Variants in ZNF41 observed in about 807,000 individuals in gnomAD.
ZNF41 encodes the protein zinc finger protein 41.
Under a neutral mutation model 9.3 loss-of-function variants are expected in ZNF41, and 6 were observed. That is an observed-to-expected ratio of 0.65 (90% CI 0.35 to 1.28). ZNF41 has a LOEUF of 1.28. ZNF41 is among the 50% of genes most tolerant of loss of function. The pLI is 0.03. For missense variants in ZNF41, 523 were observed against 585.8 expected, an observed-to-expected ratio of 0.89 and a Z score of 1.11; for synonymous variants, 192 against 207.1, an observed-to-expected ratio of 0.93 and a Z score of 0.63.
At chrX:47,452,594 A>G (rs1053577628) in intron 4 of ZNF41, among the ~76,000 whole-genome samples, 2 of 111,379 alleles carry the variant, frequency 1.8e-5, no homozygotes, top group Non-Finnish European at 3.8e-5. Context: ...TGTGCTTTCT[A>G]TCTGCTATTC....
intron 4 of ZNF41, among the ~76,000 whole-genome samples, chrX:47,454,635 C>T (rs1293444918): frequency 1.8e-5 from 2 of 111,275 alleles, no homozygotes; most frequent in Non-Finnish European, 3.8e-5. Context: ...GACTTGGACA[C>T]AATGATCAGC....
Position 47,450,190 on chromosome X carries a change from C to T in ZNF41, c.296-716G>A, listed in dbSNP as rs2056306595. Among the ~76,000 whole-genome samples, 3 of 111,332 alleles carry T rather than the reference C, an allele frequency of 2.7e-5. No homozygotes were observed. The Admixed American group carries it at 2.9e-4, about 11-fold the overall frequency. On this transcript the variant is annotated intron_variant, in intron 4 of 4. Coordinates refer to ENST00000684689, the MANE Select transcript of ZNF41 (RefSeq NM_001324144.2). ...AGACATTTGCACTCCAACTTTATAA[C>T]CAGCTGCAAGTTTCTTTCTTTCTTT...
At chrX:47,478,558 T>C (rs2057396091) in intron 1 of ZNF41, among the ~76,000 whole-genome samples, 1 of 110,892 alleles carries the variant, frequency 9.0e-6, no homozygotes. Flanking sequence ...TCATGTTAAG[T>C]GTTCGTACCA....
At chrX:47,465,804 CA>C (rs772698020) in intron 2 of ZNF41, among the ~76,000 whole-genome samples, 1 of 110,123 alleles carries the variant, frequency 9.1e-6, no homozygotes, top group African/African-American at 3.3e-5. Context: ...GAGACTGCCT[CA>C]GAGAAAAAAC....
At chrX:47,467,378 A>C in intron 2 of ZNF41, 32 bp downstream of exon 2, 1 of 1,172,188 alleles carries the variant, frequency 8.5e-7, no homozygotes, top group Non-Finnish European at 1.1e-6. Flanking sequence ...CACTGAATGA[A>C]TTCTTGCCTC....
chrX:47,454,975 G>A (rs1447851270), intron 4 of ZNF41, among the ~76,000 whole-genome samples: 1 of 111,427 alleles, frequency 9.0e-6, no homozygotes, highest in East Asian at 2.8e-4. Context: ...GCCAGGCGCG[G>A]TGGCTCATGC....
chrX:47,480,742 T>A (rs887592129), intron 1 of ZNF41, among the ~76,000 whole-genome samples: 4 of 106,765 alleles, frequency 3.7e-5, no homozygotes, highest in African/African-American at 1.0e-4. Context: ...CAATGGCCAA[T>A]AAGAATGAAA....
chrX:47,473,153 C>T (rs886498541), intron 1 of ZNF41, among the ~76,000 whole-genome samples: 2 of 110,811 alleles, frequency 1.8e-5, no homozygotes, highest in East Asian at 2.8e-4. Context: ...CCTCCTAAGT[C>T]GCTGGGACTA....
rs778001975 is a variant in ZNF41 at position 47,480,837 on chromosome X, T to TA, written c.-280+2257dup. Among the ~76,000 whole-genome samples the TA allele has an allele frequency of 8.6e-5, 9 of 104,834 alleles. No individual in the cohort carries two copies. In the South Asian group the frequency reaches 1.7e-3, roughly 20 times the overall value. The allele number at this position is 104,834 out of a possible 115,157, so 91.0% of individuals were successfully genotyped here. On this transcript the variant is annotated intron_variant, in intron 1 of 4. Transcript: ENST00000684689. ...GTTTGGCCCTCAGAATGGGGTAAAT[T>TA]AAAAAAAAATCCAATGTGGAACAGG...
Position 47,447,572 on chromosome X carries a change from G to A in ZNF41, c.2198C>T (p.Thr733Ile). ...ATGAATTATCTGATGCATACTTAGTGTGGCTTTCTGGATGAAAGCTTTCCC... is the reference window on the plus strand; with the variant it reads ...ATGAATTATCTGATGCATACTTAGTATGGCTTTCTGGATGAAAGCTTTCCC... Reference protein sequence around the residue: ...KCGKAFIQKATLSMHQIIHTG... With the variant: ...KCGKAFIQKAILSMHQIIHTG... Residue 733 changes from threonine (T) to isoleucine (I), a missense_variant, in exon 5 of 5, where the codon ACA becomes ATA. By Grantham distance (89) the Thr-to-Ile change is moderately conservative (BLOSUM62 -1). Coordinates refer to ENST00000684689, the MANE Select transcript of ZNF41 (RefSeq NM_001324144.2). 3.3e-6 allele frequency: 4 copies of A among 1,211,657 alleles called. No homozygotes were observed. Among genetic ancestry groups the A allele is most frequent in the Non-Finnish European group, 4.5e-6 (4 of 895,470 alleles).
chrX:47,456,068 G>T (rs376328166), intron 3 of ZNF41, 52 bp from the exon 4 acceptor site: 2 of 1,109,373 alleles, frequency 1.8e-6, no homozygotes, highest in Non-Finnish European at 2.5e-6. Flanking sequence ...GGTTTCAGGG[G>T]CCTTTCAGTG....
Position 47,448,290 on chromosome X carries a change from G to T in ZNF41, c.1480C>A (p.Pro494Thr). ...TTTCCACATTCTGTACATATATAGG[G>T]TTTCTCTCCGGTGTGAATTCTTTGA... ...VHQRIHTGEK[P>T]YICTECGKVF... is the part of the protein sequence containing the mutation. The change falls in exon 5 of 5, where the codon CCC becomes ACC. Residue 494 changes from proline to threonine, a missense_variant. Transcript: ENST00000684689. The T allele has an allele frequency of 8.3e-7, 1 of 1,211,074 alleles. No individual in the cohort carries two copies. Among genetic ancestry groups the T allele is most frequent in the East Asian group, 3.0e-5 (1 of 33,821 alleles).
In ZNF41 at chrX:47,469,890, G is replaced by T. The variant is rs761228159; in HGVS notation, c.-279-2130C>A. On this transcript the variant is annotated intron_variant, in intron 1 of 4. Coordinates refer to ENST00000684689, the MANE Select transcript of ZNF41 (RefSeq NM_001324144.2). ...CTGTCTCAAAAAAACACAAACAAAC[G>T]AACAAACAAATTCCCTGGAAAATTT... Among the ~76,000 whole-genome samples, 6 of 110,058 alleles carry T rather than the reference G, an allele frequency of 5.5e-5. No homozygotes were observed. In the South Asian group the frequency reaches 2.3e-3, roughly 42 times the overall value.
chrX:47,477,742 C>G (rs2057373086), intron 1 of ZNF41, among the ~76,000 whole-genome samples: 1 of 111,950 alleles, frequency 8.9e-6, no homozygotes, highest in Admixed American at 9.5e-5. Flanking sequence ...CTCTGTTGAT[C>G]TGTCATATGT....
intron 1 of ZNF41, chrX:47,482,695 G>A: frequency 8.8e-6 from 1 of 113,157 alleles, no homozygotes; most frequent in African/African-American, 3.2e-5. Context: ...CCTTGGGAGT[G>A]TCTCTACGGG....
At position 47,449,594 on chromosome X, in the gene ZNF41, T is replaced by C. The variant is rs2056285341; in HGVS notation, c.296-120A>G. ...TGGAAGAGCCCATAGGACAATATAG[T>C]AGTAATAATGTAGCAACACAACATT... On this transcript the variant is annotated intron_variant, in intron 4 of 4. Coordinates refer to ENST00000684689, the MANE Select transcript of ZNF41 (RefSeq NM_001324144.2). 3.8e-6 allele frequency: 3 copies of C among 790,009 alleles called. No individual in the cohort carries two copies. In the South Asian group the frequency reaches 7.6e-5, roughly 20 times the overall value. The allele number at this position is 790,009 out of a possible 1,213,427, so 65.1% of individuals were successfully genotyped here. A position where few individuals can be genotyped will look rare whatever the true frequency, so the allele number is the denominator to read the frequency against.
chrX:47,451,611 T>C (rs1288031979), intron 4 of ZNF41, among the ~76,000 whole-genome samples: 2 of 112,674 alleles, frequency 1.8e-5, no homozygotes, highest in Non-Finnish European at 3.8e-5. Context: ...CATGTTGGCA[T>C]GTGCCTGTAA....
In ZNF41 at chrX:47,448,151, T is replaced by G; in HGVS notation, c.1619A>C (p.Lys540Thr). The change falls in exon 5 of 5, where the codon AAA becomes ACA. Residue 540 changes from lysine (K) to threonine (T), a missense_variant. Coordinates refer to ENST00000684689, the MANE Select transcript of ZNF41 (RefSeq NM_001324144.2). ...CTCTCCAGTGTGAGTTTTCTGGTGTTTAATGAGATTTGACTGGTCAGTAAA... is the reference window on the plus strand; with the variant it reads ...CTCTCCAGTGTGAGTTTTCTGGTGTGTAATGAGATTTGACTGGTCAGTAAA... Reference protein sequence around the residue: ...KAFTDQSNLIKHQKTHTGEKP... With the variant: ...KAFTDQSNLITHQKTHTGEKP... 1 of 1,210,952 alleles carries G rather than the reference T, an allele frequency of 8.3e-7. No individual in the cohort carries two copies. The highest frequency in any genetic ancestry group is 1.1e-6 in the Non-Finnish European group (1 of 895,272).
intron 1 of ZNF41, among the ~76,000 whole-genome samples, chrX:47,481,514 G>T (rs1164424153): frequency 9.0e-6 from 1 of 111,472 alleles, no homozygotes; most frequent in African/African-American, 3.3e-5. Context: ...GGGTGTGGCA[G>T]CACATGCCTA....
Sources: gnomAD v4.1 joint callset for allele counts (sites outside exome capture counted in the v4.1 genomes callset) on GRCh38, gnomAD v4.1.1 for gene constraint, MANE v1.5 for transcripts, NCBI Gene and HGNC (gene_info 2026-07-23, HGNC 2026-07-21) for gene names.